The following SUPT6H variants were observed in gnomAD, a reference collection of about 807,000 sequenced individuals.
SUPT6H encodes transcription elongation factor SPT6.
Under a neutral mutation model 222.3 loss-of-function variants are expected in SUPT6H, and 11 were observed. The observed-to-expected ratio is 0.05, with a 90% CI of 0.03 to 0.08. The LOEUF is 0.08. Among genes scored for constraint, SUPT6H ranks in the 10% least tolerant of loss-of-function variants. The pLI is 1.00. For synonymous variants in SUPT6H, 762 were observed against 801.2 expected, an observed-to-expected ratio of 0.95 and a Z score of 0.83; for missense variants, 1,422 against 2,216.0, an observed-to-expected ratio of 0.64 and a Z score of 7.19.
At chr17:28,678,397 C>G (rs904501622) in intron 9 of SUPT6H, 148 bp from the exon 10 acceptor site, 17 of 882,258 alleles carry the variant, frequency 1.9e-5, no homozygotes, top group Non-Finnish European at 2.9e-5. Context: ...GAGGAAAGCA[C>G]CAGGCCCTGG....
chr17:28,668,631 G>T (rs754636321), intron 1 of SUPT6H, among the ~76,000 whole-genome samples: 1 of 152,192 alleles, frequency 6.6e-6, no homozygotes, highest in Non-Finnish European at 1.5e-5. Flanking sequence ...TTTTCATCAG[G>T]TAGGCTGTGT....
intron 1 of SUPT6H, among the ~76,000 whole-genome samples, chr17:28,669,656 C>T (rs1389942295): frequency 2.0e-5 from 3 of 151,552 alleles, no homozygotes; most frequent in African/African-American, 7.3e-5. Flanking sequence ...AATGAATAGC[C>T]GGGCGTGGTG....
At chr17:28,698,823 C>G (rs1386821360) in intron 32 of SUPT6H, among the ~76,000 whole-genome samples, 1 of 152,202 alleles carries the variant, frequency 6.6e-6, no homozygotes, top group Non-Finnish European at 1.5e-5. Context: ...TTGGGCACAT[C>G]TGGAATATTG....
chr17:28,663,037 G>C (rs1384658306), intron 1 of SUPT6H, among the ~76,000 whole-genome samples: 1 of 152,176 alleles, frequency 6.6e-6, no homozygotes, highest in East Asian at 1.9e-4. Flanking sequence ...GTTGTTGCAA[G>C]AACTGATACT....
chr17:28,700,330 C>T lies in SUPT6H; in HGVS notation c.4640-16C>T, dbSNP rs1367419962. 3 of 1,613,996 alleles carry T rather than the reference C, an allele frequency of 1.9e-6. No individual in the cohort carries two copies. Among genetic ancestry groups the T allele is most frequent in the South Asian group, 2.2e-5 (2 of 91,086 alleles). ...TCACCTCTAACATGCCCCTCCCCACCTCTGTGTGCTTACAGATCTGACACG... is the reference window on the plus strand; with the variant it reads ...TCACCTCTAACATGCCCCTCCCCACTTCTGTGTGCTTACAGATCTGACACG... On this transcript the variant is annotated splice_polypyrimidine_tract_variant and intron_variant, in intron 34 of 36. Transcript: ENST00000314616.
At chr17:28,686,610 A>G in intron 20 of SUPT6H, 44 bp from the exon 21 acceptor site, 1 of 1,553,774 alleles carries the variant, frequency 6.4e-7, no homozygotes, top group Non-Finnish European at 8.7e-7. Flanking sequence ...GAGACTGTCC[A>G]TCCCTAAGAA....
At chr17:28,697,392 T>G (rs186153102) in intron 30 of SUPT6H, among the ~76,000 whole-genome samples, 34 of 152,298 alleles carry the variant, frequency 2.2e-4, no homozygotes, top group Admixed American at 2.2e-3. Flanking sequence ...AGAAATCTGG[T>G]GAATTTTCCT....
chr17:28,695,099 A>G (rs893703494), intron 28 of SUPT6H: 1 of 452,588 alleles, frequency 2.2e-6, no homozygotes, highest in Non-Finnish European at 4.0e-6. Context: ...AGTGCCAGGG[A>G]CAGGGTAGAT....
chr17:28,700,474 G>T lies in SUPT6H; in HGVS notation c.4768G>T (p.Gly1590Cys), dbSNP rs1223607378. The part of the protein sequence containing the change: ...TPAQWASSQY[G>C]YGGSGGGSSA... ...AGCCCAGTGGGCCTCCAGCCAGTAC[G>T]GCTATGGCGGCAGTGGAGGCGGCAG... Residue 1590 changes from glycine to cysteine, a missense_variant, in exon 35 of 37, where the codon GGC becomes TGC. Transcript: ENST00000314616. 1 of 1,614,164 alleles carries T rather than the reference G, an allele frequency of 6.2e-7. No individual in the cohort carries two copies. Among genetic ancestry groups the T allele is most frequent in the African/African-American group, 1.3e-5 (1 of 75,058 alleles).
chr17:28,689,594 A>T (rs766676203), intron 25 of SUPT6H, 33 bp downstream of exon 25: 25 of 1,609,554 alleles, frequency 1.6e-5, no homozygotes, highest in Non-Finnish European at 1.8e-5. Flanking sequence ...CGGCAGGAGA[A>T]CCCATCCCAA....
At chr17:28,671,022 C>T (rs1464428898) in intron 1 of SUPT6H, 1 of 152,178 alleles carries the variant, frequency 6.6e-6, no homozygotes, top group Admixed American at 6.5e-5. Context: ...TGAACATTCC[C>T]CCTCCCTCCT....
chr17:28,689,158 T>C, intron 24 of SUPT6H, 196 bp from the exon 25 acceptor site: 2 of 573,222 alleles, frequency 3.5e-6, no homozygotes. Flanking sequence ...CAGTGCATTT[T>C]TCACGTATCA....
intron 6 of SUPT6H, among the ~76,000 whole-genome samples, chr17:28,675,939 G>A (rs560785609): frequency 2.9e-4 from 44 of 152,278 alleles, no homozygotes; most frequent in African/African-American, 1.0e-3. Flanking sequence ...ACTGTCACTC[G>A]AAGGTGCCAA....
At chr17:28,696,371 C>T (rs1415551941) in intron 29 of SUPT6H, among the ~76,000 whole-genome samples, 7 of 146,644 alleles carry the variant, frequency 4.8e-5, no homozygotes, top group Non-Finnish European at 9.0e-5. Flanking sequence ...CTGAGGCAGG[C>T]GGGTCGCTTG....
rs529187260 is a variant in SUPT6H, at chr17:28,672,394, TTTTTCTTTTTTTC to T, written c.-31-964_-31-952del. Among the ~76,000 whole-genome samples, 170 of 152,238 alleles carry T rather than the reference TTTTTCTTTTTTTC, an allele frequency of 1.1e-3. 2 individuals are homozygous for T. The South Asian group carries it at 0.034, about 31-fold the overall frequency. ...ATACAAGTCTGGTATAATTGCCTTCTTTTTCTTTTTTTCTTTTCTTTTTTTTTCTTTTTTTTCG... is the reference window on the plus strand; with the variant it reads ...ATACAAGTCTGGTATAATTGCCTTCTTTTTCTTTTTTTTTCTTTTTTTTCG... On this transcript the variant is annotated intron_variant, in intron 1 of 36. Coordinates refer to ENST00000314616, the MANE Select transcript of SUPT6H (RefSeq NM_003170.5).
chr17:28,677,545 C>CAA (rs111301952), intron 7 of SUPT6H, among the ~76,000 whole-genome samples, 170 bp from the exon 8 acceptor site: 1 of 137,430 alleles, frequency 7.3e-6, no homozygotes, highest in African/African-American at 2.7e-5. Flanking sequence ...GACACCATCT[C>CAA]AAAAAAAAAA....
intron 1 of SUPT6H, 51 bp from the exon 2 acceptor site, chr17:28,673,320 C>G: frequency 8.8e-7 from 1 of 1,140,226 alleles, no homozygotes; most frequent in Non-Finnish European, 1.3e-6. Flanking sequence ...TAAGAGCCCT[C>G]TGTACAATCA....
chr17:28,664,078 C>T (rs1351802050), intron 1 of SUPT6H, among the ~76,000 whole-genome samples: 2 of 151,998 alleles, frequency 1.3e-5, no homozygotes, highest in Non-Finnish European at 2.9e-5. Flanking sequence ...TCTGTCTCTG[C>T]AATATTCAAC....
chr17:28,690,833 T>G (rs540397614), intron 26 of SUPT6H, 88 bp from the exon 27 acceptor site: 4 of 1,438,230 alleles, frequency 2.8e-6, no homozygotes, highest in Admixed American at 4.1e-5. Flanking sequence ...GGGAAGGAAG[T>G]CAGATATTCT....
Sources: allele counts gnomAD v4.1 joint callset (sites outside exome capture counted in the v4.1 genomes callset), GRCh38; gene constraint gnomAD v4.1.1; transcripts MANE v1.5; gene names NCBI Gene and HGNC (gene_info 2026-07-23, HGNC 2026-07-21).